ZNF14: variants seen among roughly 807,000 people sequenced by gnomAD.
ZNF14 encodes zinc finger protein 14, also known as gonadotropin inducible transcription repressor-4.
Under a neutral mutation model 11.3 loss-of-function variants are expected in ZNF14, and 9 were observed. The observed-to-expected ratio is 0.80, with a 90% confidence interval of 0.48 to 1.39. The LOEUF (loss-of-function observed/expected upper bound fraction) is 1.39, where lower values mean the gene tolerates loss of function less well. ZNF14 is among the 40% of genes most tolerant of loss of function. The probability of loss-of-function intolerance (pLI) is 0.00; values close to 1 mark genes in which losing one functional copy is unlikely to be tolerated. For synonymous variants in ZNF14, 239 were observed against 245.7 expected (o/e 0.97, Z 0.25); for missense variants, 711 against 763.9 (o/e 0.93, Z 0.82).
chr19:19,720,573 C>T lies in ZNF14; in HGVS notation c.4-6086G>A, dbSNP rs2062390513. On this transcript the variant is annotated intron_variant, in intron 1 of 3. Coordinates refer to ENST00000344099, the MANE Select transcript of ZNF14 (RefSeq NM_021030.3). The surrounding 1 kb of genome is among the most constrained non-coding windows in gnomAD (Gnocchi z 4.1). ...GGCCAGGCTGGTCTCAAGGTCCTGA[C>T]CTCAAGTGATCTGTCCGCCTCGGCC... is the stretch of plus-strand genomic sequence containing the variant. Among the ~76,000 whole-genome samples the T allele has an allele frequency of 6.6e-6, 1 of 152,096 alleles. No individual in the cohort carries two copies. The highest frequency in any genetic ancestry group is 1.5e-5 in the Non-Finnish European group (1 of 68,040).
intron 1 of ZNF14, among the ~76,000 whole-genome samples, chr19:19,719,457 A>G (rs1052841453): frequency 2.0e-5 from 3 of 152,222 alleles, no homozygotes; most frequent in African/African-American, 4.8e-5. Context: ...GAAAGGAGGA[A>G]TTGGGAATAC....
chr19:19,729,252 A>G (rs577537127), intron 1 of ZNF14, among the ~76,000 whole-genome samples: 1 of 151,182 alleles, frequency 6.6e-6, no homozygotes, highest in African/African-American at 2.4e-5. Context: ...CTGGGATTAC[A>G]GGTGTGAGCC....
rs1404441559 is a variant in ZNF14, at chr19:19,712,632, G to A, written c.649C>T (p.His217Tyr). 6 of 1,613,902 alleles carry A rather than the reference G, an allele frequency of 3.7e-6. No individual in the cohort carries two copies. Among genetic ancestry groups the A allele is most frequent in the Middle Eastern group, 1.6e-4 (1 of 6,062 alleles). ...CATTCATAGGGTTTCTTTCCAGTAT[G>A]AGCATGTTTTTGAAAAGACTGGTAA... ...IYYQSFQKHA[H>Y]TGKKPYECKQ... The change falls in exon 4 of 4, where the codon CAT (histidine) becomes TAT (tyrosine). Residue 217 changes from histidine (H) to tyrosine (Y), a missense_variant. Transcript: ENST00000344099.
At position 19,711,244 on chromosome 19, in the gene ZNF14, G is replaced by T; in HGVS notation, c.*108C>A. The T allele has an allele frequency of 1.6e-6, 2 of 1,267,548 alleles. No individual in the cohort carries two copies. The highest frequency in any genetic ancestry group is 2.1e-6 in the Non-Finnish European group (2 of 935,142). 78.5% of individuals were successfully genotyped at this position (1,267,548 alleles called of 1,614,324 possible). A position where few individuals can be genotyped will look rare whatever the true frequency, so the allele number is the denominator to read the frequency against. The stretch of plus-strand genomic sequence containing the variant: ...CTCAAAAGAAACTGGAACAATTAAG[G>T]GCTTTAGAACAATGTTTGTATTCAC... On this transcript the variant is annotated 3_prime_UTR_variant, in exon 4 of 4. Transcript: ENST00000344099.
At chr19:19,730,242 G>A (rs2062419301) in intron 1 of ZNF14, among the ~76,000 whole-genome samples, 1 of 151,976 alleles carries the variant, frequency 6.6e-6, no homozygotes, top group Non-Finnish European at 1.5e-5. Context: ...GGTCAGGGTG[G>A]TCTTGAACTC....
chr19:19,731,726 G>GT (rs1163355968), intron 1 of ZNF14, among the ~76,000 whole-genome samples: 2 of 152,084 alleles, frequency 1.3e-5, no homozygotes, highest in African/African-American at 4.8e-5. Context: ...CAATCAGAAT[G>GT]TATCAAAGTG....
Position 19,726,787 on chromosome 19 carries a change from G to T in ZNF14, c.3+6169C>A, listed in dbSNP as rs933337204. ...TACCTACTCAAGCCTCAGCAATGAC[G>T]GACGCCCCTTCCCCAGCCTTGCTGC... On this transcript the variant is annotated intron_variant, in intron 1 of 3. Coordinates refer to ENST00000344099, the MANE Select transcript of ZNF14 (RefSeq NM_021030.3). Among the ~76,000 whole-genome samples, 2 of 132,768 alleles carry T rather than the reference G, an allele frequency of 1.5e-5. 1 individual carries two copies. Among genetic ancestry groups the T allele is most frequent in the East Asian group, 4.2e-4 (2 of 4,718 alleles). The allele number at this position is 132,768 out of a possible 152,430, so 87.1% of individuals were successfully genotyped here. A position where few individuals can be genotyped will look rare whatever the true frequency, so the allele number is the denominator to read the frequency against.
At position 19,712,505 on chromosome 19, in the gene ZNF14, G is replaced by T. The variant is rs769342775; in HGVS notation, c.776C>A (p.Ala259Asp). The T allele has an allele frequency of 1.2e-6, 2 of 1,612,998 alleles. No homozygotes were observed. Among genetic ancestry groups the T allele is most frequent in the East Asian group, 4.5e-5 (2 of 44,824 alleles). Residue 259 changes from alanine (A) to aspartate (D), a missense_variant, in exon 4 of 4, where the codon GCT (alanine) becomes GAT (aspartate). Coordinates refer to ENST00000344099, the MANE Select transcript of ZNF14 (RefSeq NM_021030.3). ...TCGAAAGTATGTGGGACAACTGAAAGCCTTACCACATTGCTTACATTCATA... is the reference window on the plus strand; with the variant it reads ...TCGAAAGTATGTGGGACAACTGAAATCCTTACCACATTGCTTACATTCATA... ...KPYECKQCGK[A>D]FSCPTYFRTH...
At chr19:19,731,163 G>T (rs2062422071) in intron 1 of ZNF14, among the ~76,000 whole-genome samples, 1 of 152,134 alleles carries the variant, frequency 6.6e-6, no homozygotes, top group South Asian at 2.1e-4. Flanking sequence ...ATTATTTATT[G>T]ATTATTTTAT....
intron 1 of ZNF14, among the ~76,000 whole-genome samples, chr19:19,730,900 G>A (rs575862325): frequency 9.9e-5 from 15 of 152,098 alleles, no homozygotes; most frequent in South Asian, 4.1e-4. Context: ...CAACAAGAGT[G>A]AAACTCCATC....
At chr19:19,725,572 G>A (rs1198800488) in intron 1 of ZNF14, among the ~76,000 whole-genome samples, 3 of 132,888 alleles carry the variant, frequency 2.3e-5, no homozygotes, top group Non-Finnish European at 3.3e-5. Context: ...TGCTCTTCTC[G>A]AGGAGTATCT....
chr19:19,732,192 A>G (rs941496712), intron 1 of ZNF14, among the ~76,000 whole-genome samples: 16 of 152,214 alleles, frequency 1.1e-4, no homozygotes, highest in Non-Finnish European at 2.1e-4. Context: ...ACACACAAAC[A>G]AGAAAATTTA....
At chr19:19,723,330 T>G (rs576537652) in intron 1 of ZNF14, among the ~76,000 whole-genome samples, 3 of 152,224 alleles carry the variant, frequency 2.0e-5, no homozygotes, top group African/African-American at 7.2e-5. Context: ...TCTGCATCTA[T>G]TGAGATAATC....
rs2062370579 is a variant in ZNF14, at chr19:19,714,101, T to C, written c.181A>G (p.Lys61Glu). 6.2e-7 allele frequency: 1 copy of C among 1,613,220 alleles called. No homozygotes were observed. The highest frequency in any genetic ancestry group is 2.2e-5 in the East Asian group (1 of 44,876). The change falls in exon 3 of 4, where the codon AAA becomes GAA. Residue 61 changes from lysine (K) to glutamate (E), a missense_variant. Transcript: ENST00000344099. ...GTGGATGCAACTCACCTTCGATTTT[T>C]CCCCTGGTTTCTGTGGTCATCTTCA... ...DIEDDHRNQG[K>E]NRRCHMVERL... is the part of the protein sequence containing the mutation.
chr19:19,714,070 T>C (rs73006755), intron 3 of ZNF14, 21 bp downstream of exon 3: 75,702 of 1,610,868 alleles, frequency 0.047, 2,130 homozygotes, highest in Middle Eastern at 0.097. Flanking sequence ...GGGCCACTAT[T>C]TTTCTGTGGA....
rs2062361088 is a variant in ZNF14, at chr19:19,711,775, G to T, written c.1506C>A (p.Pro502=). ...TTTTACCGCATAGTTTACATTCATAGGGTTTCTCTCCAGTGTGTGTTCTTT... is the reference window on the plus strand; with the variant it reads ...TTTTACCGCATAGTTTACATTCATATGGTTTCTCTCCAGTGTGTGTTCTTT... ...LHERTHTGEK[P]YECKLCGKTF... Residue 502 remains proline (P), a synonymous_variant, in exon 4 of 4, where the codon CCC becomes CCA. Transcript: ENST00000344099. 6.2e-7 allele frequency: 1 copy of T among 1,612,460 alleles called. No individual in the cohort carries two copies. Among genetic ancestry groups the T allele is most frequent in the Non-Finnish European group, 8.5e-7 (1 of 1,179,294 alleles).
Position 19,714,364 on chromosome 19 carries a change from G to A in ZNF14, c.127C>T (p.Leu43=), listed in dbSNP as rs770329481. 2 of 1,613,884 alleles carry A rather than the reference G, an allele frequency of 1.2e-6. No individual in the cohort carries two copies. The highest frequency in any genetic ancestry group is 1.7e-6 in the Non-Finnish European group (2 of 1,179,980). Residue 43 remains leucine, a synonymous_variant, in exon 2 of 4, where the codon CTA becomes TTA. Coordinates refer to ENST00000344099, the MANE Select transcript of ZNF14 (RefSeq NM_021030.3). ...AAAGAAATGTTGATATCCTTACCTA[G>A]ACAAACCAGGTTTTTGAAGGTCTCC... The part of the protein sequence containing the change: ...MQETFKNLVC[L]GKKWEDQDIE...
chr19:19,713,748 C>CTT (rs71172526), intron 3 of ZNF14, among the ~76,000 whole-genome samples: 3,692 of 120,248 alleles, frequency 0.031, 142 homozygotes, highest in African/African-American at 0.053. Context: ...TGTGCCAGGC[C>CTT]TTTTTTTTTT....
intron 1 of ZNF14, among the ~76,000 whole-genome samples, chr19:19,717,227 A>C (rs897087299): frequency 1.3e-5 from 2 of 152,108 alleles, no homozygotes; most frequent in Non-Finnish European, 2.9e-5. Flanking sequence ...GTAATTCACT[A>C]GGGCCTCCCT....
Sources: gnomAD v4.1 joint callset for allele counts (sites outside exome capture counted in the v4.1 genomes callset) on GRCh38, gnomAD v4.1.1 for gene constraint, Gnocchi (gnomAD v3.1) non-coding constraint, MANE v1.5 for transcripts, NCBI Gene and HGNC (gene_info 2026-07-23, HGNC 2026-07-21) for gene names.